The following ERC2 variants were observed in gnomAD, a reference collection of about 807,000 sequenced individuals.
The protein encoded by ERC2 is ERC protein 2.
In ERC2, 42 loss-of-function variants were observed where a neutral mutation model predicts 114.8. The ratio of observed to expected loss-of-function variants is 0.37; its 90% confidence interval spans 0.29 to 0.47. The LOEUF (loss-of-function observed/expected upper bound fraction) is 0.47. Ranked by LOEUF, ERC2 falls within the 20% of genes least tolerant of loss-of-function variation. The pLI is 0.99. For missense variants in ERC2, 939 were observed against 1,150.7 expected, an observed-to-expected ratio of 0.82 and a Z score of 2.66; for synonymous variants, 454 against 425.5, an observed-to-expected ratio of 1.07 and a Z score of -0.82.
chr3:55,649,090 T>A (rs531823466), intron 17 of ERC2, among the ~76,000 whole-genome samples: 3 of 152,056 alleles, frequency 2.0e-5, no homozygotes, highest in African/African-American at 7.2e-5. Flanking sequence ...CTACAAGTCA[T>A]CCTTCCCCAA....
chr3:56,175,916 T>C (rs1479978729), intron 3 of ERC2, among the ~76,000 whole-genome samples: 4 of 134,908 alleles, frequency 3.0e-5, no homozygotes, highest in Admixed American at 2.1e-4. Context: ...CAATTTGGAG[T>C]CAATGTGATG....
In ERC2 at chr3:55,738,003, G is replaced by C. The variant is rs2065746997; in HGVS notation, c.2565-3085C>G. Among the ~76,000 whole-genome samples the C allele has an allele frequency of 5.3e-5, 8 of 152,134 alleles. No homozygotes were observed. The South Asian group carries it at 1.4e-3, about 28-fold the overall frequency. On this transcript the variant is annotated intron_variant, in intron 14 of 17. Coordinates refer to ENST00000288221, the MANE Select transcript of ERC2 (RefSeq NM_015576.3). ...CTATAATACAAATGACTACATGTAT[G>C]TGTTCATCCAGTCCATCCGACTGGC...
chr3:56,040,403 G>A (rs988785899), intron 7 of ERC2, among the ~76,000 whole-genome samples: 12 of 150,632 alleles, frequency 8.0e-5, no homozygotes, highest in Middle Eastern at 3.4e-3. Flanking sequence ...CACCTAGGCC[G>A]GAGTGCAGTA....
chr3:55,804,667 C>T lies in ERC2; in HGVS notation c.2565-69749G>A, dbSNP rs138077158. Among the ~76,000 whole-genome samples the T allele has an allele frequency of 2.9e-3, 448 of 152,242 alleles. 5 individuals carry two copies. The highest frequency in any genetic ancestry group is 0.01 in the African/African-American group (426 of 41,540). On this transcript the variant is annotated intron_variant, in intron 14 of 17. Coordinates refer to ENST00000288221, the MANE Select transcript of ERC2 (RefSeq NM_015576.3). ...TATGGCTGACTTCAAAGCCAGTGTG[C>T]TAAGCCTGTCTGTAACTCCGCCCTC...
chr3:55,871,709 A>G (rs1201594549), intron 14 of ERC2, among the ~76,000 whole-genome samples: 1 of 152,230 alleles, frequency 6.6e-6, no homozygotes, highest in African/African-American at 2.4e-5. Context: ...CAAAATCCTC[A>G]AAGAATAGAG....
At chr3:55,901,589 C>A (rs992565085) in intron 13 of ERC2, among the ~76,000 whole-genome samples, 4 of 152,198 alleles carry the variant, frequency 2.6e-5, no homozygotes, top group Non-Finnish European at 5.9e-5. Flanking sequence ...TGCTTTAACT[C>A]TCCTTCTTCT....
chr3:56,379,742 G>A (rs35947588), intron 2 of ERC2, among the ~76,000 whole-genome samples: 7 of 152,064 alleles, frequency 4.6e-5, no homozygotes, highest in African/African-American at 1.7e-4. Context: ...GAAAGCCTGC[G>A]ACAGAAATCT....
At chr3:56,459,045 G>T (rs369596392) in intron 1 of ERC2, among the ~76,000 whole-genome samples, 1 of 152,096 alleles carries the variant, frequency 6.6e-6, no homozygotes, top group Admixed American at 6.5e-5. Context: ...TCATGGGACC[G>T]CCCTAACCTC....
At chr3:55,545,364 G>A (rs895933463) in intron 17 of ERC2, among the ~76,000 whole-genome samples, 3 of 152,202 alleles carry the variant, frequency 2.0e-5, no homozygotes, top group African/African-American at 4.8e-5. Flanking sequence ...GGAGTGGTAA[G>A]AAGCAGTGAG....
intron 7 of ERC2, among the ~76,000 whole-genome samples, chr3:56,063,252 G>A (rs1033732093): frequency 6.6e-6 from 1 of 152,150 alleles, no homozygotes; most frequent in African/African-American, 2.4e-5. Context: ...GCAGCACAAG[G>A]GAGGATTACA....
chr3:56,383,280 C>A (rs2059818904), intron 2 of ERC2, among the ~76,000 whole-genome samples: 1 of 152,258 alleles, frequency 6.6e-6, no homozygotes, highest in Non-Finnish European at 1.5e-5. Flanking sequence ...AAAAACCCCC[C>A]ACTGGAATTT....
intron 3 of ERC2, among the ~76,000 whole-genome samples, chr3:56,267,572 C>T (rs990453137): frequency 5.9e-5 from 9 of 151,406 alleles, no homozygotes; most frequent in African/African-American, 2.2e-4. Context: ...GAGTTTGAGA[C>T]CAGGCTGGCC....
chr3:56,174,687 A>G (rs2082871484), intron 3 of ERC2, among the ~76,000 whole-genome samples: 2 of 152,236 alleles, frequency 1.3e-5, no homozygotes, highest in Non-Finnish European at 2.9e-5. Flanking sequence ...CTTCAAAAAG[A>G]TAGGACATGG....
At chr3:56,344,833 A>C (rs2058243652) in intron 2 of ERC2, among the ~76,000 whole-genome samples, 1 of 152,182 alleles carries the variant, frequency 6.6e-6, no homozygotes, top group Non-Finnish European at 1.5e-5. Context: ...GTCTCAGGAC[A>C]AGGCTATGTT....
At position 55,915,147 on chromosome 3, in the gene ERC2, T is replaced by G. The variant is rs369826863; in HGVS notation, c.2404-26598A>C. Among the ~76,000 whole-genome samples the G allele has an allele frequency of 3.2e-4, 48 of 152,190 alleles. No individual in the cohort carries two copies. In the South Asian group the frequency reaches 9.3e-3, roughly 30 times the overall value. ...TTTGTCAGGATATTAGTAATTTCCA[T>G]ATTTGTCTCTACTTTACCAAGTATA... On this transcript the variant is annotated intron_variant, in intron 13 of 17. Coordinates refer to ENST00000288221, the MANE Select transcript of ERC2 (RefSeq NM_015576.3).
At chr3:55,774,082 G>A (rs567979934) in intron 14 of ERC2, among the ~76,000 whole-genome samples, 23 of 152,186 alleles carry the variant, frequency 1.5e-4, no homozygotes, top group African/African-American at 5.1e-4. Context: ...TAACCCCACC[G>A]CCTTCTGAGA....
At chr3:55,789,622 A>AT (rs1330530284) in intron 14 of ERC2, among the ~76,000 whole-genome samples, 3 of 152,250 alleles carry the variant, frequency 2.0e-5, no homozygotes, top group Non-Finnish European at 4.4e-5. Context: ...GAATAATGGC[A>AT]TTTTGTGGGG....
At chr3:56,253,798 G>C (rs1373771329) in intron 3 of ERC2, among the ~76,000 whole-genome samples, 1 of 152,188 alleles carries the variant, frequency 6.6e-6, no homozygotes, top group Non-Finnish European at 1.5e-5. Context: ...CCAGCACTTT[G>C]AGAGGCCAAG....
At chr3:55,952,172 C>T (rs1274107704) in intron 12 of ERC2, among the ~76,000 whole-genome samples, 1,846 of 58,328 alleles carry the variant, frequency 0.032, 137 homozygotes, top group Middle Eastern at 0.07. Context: ...CACACACACA[C>T]ACACACACTC....
Sources: allele counts gnomAD v4.1 joint callset (sites outside exome capture counted in the v4.1 genomes callset), GRCh38; gene constraint gnomAD v4.1.1; transcripts MANE v1.5; gene names NCBI Gene and HGNC (gene_info 2026-07-23, HGNC 2026-07-21).